The following SBNO1 variants were observed in gnomAD, a reference collection of about 807,000 sequenced individuals.
SBNO1 encodes protein strawberry notch homolog 1.
Under a neutral mutation model 173.6 loss-of-function variants are expected in SBNO1, and 23 were observed. The observed-to-expected ratio is 0.13, with a 90% confidence interval of 0.10 to 0.19. The LOEUF is 0.19. SBNO1 is among the 10% of genes least tolerant of loss of function. The pLI is 1.00. For synonymous variants in SBNO1, 632 were observed against 571.5 expected (o/e 1.11, Z -1.51); for missense variants, 1,238 against 1,671.2 (o/e 0.74, Z 4.52).
chr12:123,357,924 A>G (rs1293749486), intron 1 of SBNO1, among the ~76,000 whole-genome samples: 2 of 152,246 alleles, frequency 1.3e-5, no homozygotes, highest in African/African-American at 4.8e-5. Context: ...TTACAAAAGC[A>G]ATACACAAAT....
At chr12:123,345,605 T>C in intron 3 of SBNO1, 35 bp from the exon 4 acceptor site, 2 of 1,560,138 alleles carry the variant, frequency 1.3e-6, no homozygotes, top group South Asian at 1.1e-5. Context: ...CACTGAAAAA[T>C]GCTTCATTCT....
At chr12:123,340,948 A>G (rs1872492654) in intron 5 of SBNO1, 40 bp downstream of exon 5, 2 of 1,245,648 alleles carry the variant, frequency 1.6e-6, no homozygotes, top group Admixed American at 1.8e-5. Context: ...GTACACTCTC[A>G]TACTACACAA....
chr12:123,343,991 T>C (rs760387196), intron 4 of SBNO1, among the ~76,000 whole-genome samples: 2 of 152,198 alleles, frequency 1.3e-5, no homozygotes, highest in Non-Finnish European at 2.9e-5. Context: ...TCTTGTTCAG[T>C]CAGCTCCAAA....
chr12:123,337,301 C>T (rs896799131), intron 5 of SBNO1, among the ~76,000 whole-genome samples: 2 of 152,106 alleles, frequency 1.3e-5, no homozygotes, highest in African/African-American at 2.4e-5. Flanking sequence ...AAGGAAGATC[C>T]GGAATAAGCC....
In SBNO1 at chr12:123,290,594, G is replaced by A. The variant is rs2048496462; in HGVS notation, c.*5314C>T. 6.6e-6 allele frequency: 1 copy of A among 152,338 alleles called. No individual in the cohort carries two copies. Among genetic ancestry groups the A allele is most frequent in the Non-Finnish European group, 1.5e-5 (1 of 68,052 alleles). The allele number at this position is 152,338 out of a possible 1,614,324, so 9.4% of individuals were successfully genotyped here. A position where few individuals can be genotyped will look rare whatever the true frequency, so the allele number is the denominator to read the frequency against. ...ATCCACTCACCGATACAAGGGTGGA[G>A]AGCACAGCCGTTCAGGGTACCCCAG... On this transcript the variant is annotated 3_prime_UTR_variant, in exon 32 of 32. Coordinates refer to ENST00000602398, the MANE Select transcript of SBNO1 (RefSeq NM_001167856.3).
chr12:123,362,731 T>C (rs1875481069), intron 1 of SBNO1, among the ~76,000 whole-genome samples: 2 of 125,560 alleles, frequency 1.6e-5, no homozygotes, highest in Admixed American at 1.0e-4. Flanking sequence ...TTCATACCAC[T>C]ACACTCCAGC....
At chr12:123,336,913 T>G (rs1207034772) in intron 5 of SBNO1, among the ~76,000 whole-genome samples, 2 of 152,176 alleles carry the variant, frequency 1.3e-5, no homozygotes, top group African/African-American at 2.4e-5. Flanking sequence ...AAAGGTGGAT[T>G]GGCCCCAAAG....
intron 5 of SBNO1, 52 bp downstream of exon 5, chr12:123,340,936 G>T (rs1299722670): frequency 3.6e-6 from 4 of 1,123,208 alleles, no homozygotes; most frequent in Non-Finnish European, 4.0e-6. Context: ...ACTTTTAGTT[G>T]AGTACACTCT....
intron 1 of SBNO1, among the ~76,000 whole-genome samples, chr12:123,350,666 A>C (rs559079737): frequency 6.6e-6 from 1 of 152,352 alleles, no homozygotes; most frequent in East Asian, 1.9e-4. Context: ...TAGCACAAGT[A>C]TGCATCTACA....
intron 4 of SBNO1, among the ~76,000 whole-genome samples, chr12:123,341,892 T>A (rs1456474674): frequency 6.6e-6 from 1 of 152,010 alleles, no homozygotes; most frequent in Non-Finnish European, 1.5e-5. Context: ...TTTATGGAAG[T>A]AAAGAATTAA....
intron 1 of SBNO1, chr12:123,363,779 T>C: frequency 1.2e-6 from 1 of 838,460 alleles, no homozygotes; most frequent in Non-Finnish European, 1.4e-6. Context: ...AGAGCTTCTC[T>C]GTGCGAGGAT....
chr12:123,312,001 A>C (rs1338762827), intron 24 of SBNO1, among the ~76,000 whole-genome samples: 2 of 151,696 alleles, frequency 1.3e-5, no homozygotes, highest in Non-Finnish European at 2.9e-5. Context: ...TGGCCTCCCA[A>C]AGTGCTGAAA....
At chr12:123,343,073 C>A (rs1872741105) in intron 4 of SBNO1, among the ~76,000 whole-genome samples, 1 of 152,056 alleles carries the variant, frequency 6.6e-6, no homozygotes, top group Admixed American at 6.6e-5. Context: ...GAAACCCTGT[C>A]TCTACTAAAA....
intron 1 of SBNO1, chr12:123,363,764 T>G: frequency 1.4e-6 from 1 of 739,632 alleles, no homozygotes; most frequent in Non-Finnish European, 1.7e-6. Context: ...AGCACGCACA[T>G]AAAAAGAGCT....
At chr12:123,334,760 T>C (rs1871637888) in intron 6 of SBNO1, among the ~76,000 whole-genome samples, 1 of 141,824 alleles carries the variant, frequency 7.1e-6, no homozygotes. Flanking sequence ...AGAGATTTGC[T>C]GATAAAAAAA....
At position 123,298,141 on chromosome 12, in the gene SBNO1, C is replaced by A. The variant is rs778990864; in HGVS notation, c.3876G>T (p.Gly1292=). 1.2e-6 allele frequency: 2 copies of A among 1,612,780 alleles called. No individual in the cohort carries two copies. The highest frequency in any genetic ancestry group is 1.7e-5 in the Admixed American group (1 of 59,648). Residue 1292 remains glycine (G), a synonymous_variant, in exon 31 of 32, where the codon GGG becomes GGT. Coordinates refer to ENST00000602398, the MANE Select transcript of SBNO1 (RefSeq NM_001167856.3). ...WRGNCKKASL[G]LVCEIGLRCR... is the part of the protein sequence containing the mutation. ...AACGAAGACCTATTTCACAAACTAG[C>A]CCCAAGCTTGCTTTTTTGCAATTGC...
intron 6 of SBNO1, among the ~76,000 whole-genome samples, chr12:123,335,634 A>G (rs930350486): frequency 6.6e-6 from 1 of 152,190 alleles, no homozygotes; most frequent in African/African-American, 2.4e-5. Flanking sequence ...ACTACTTAAC[A>G]TTGCTGCTGT....
At chr12:123,298,415 T>C (rs1006048423) in intron 30 of SBNO1, among the ~76,000 whole-genome samples, 1 of 151,994 alleles carries the variant, frequency 6.6e-6, no homozygotes, top group African/African-American at 2.4e-5. Context: ...TTTTTTTTGT[T>C]GTTGTTGTTG....
Position 123,307,020 on chromosome 12 carries a change from TAAAAA to T in SBNO1, c.3630+2285_3630+2289del, listed in dbSNP as rs34105162. Among the ~76,000 whole-genome samples the T allele has an allele frequency of 3.9e-4, 25 of 64,432 alleles. No individual in the cohort carries two copies. In the East Asian group the frequency reaches 0.014, roughly 36 times the overall value. The allele number at this position is 64,432 out of a possible 152,430, so 42.3% of individuals were successfully genotyped here. ...CAACACAGTGAGACATCAACTGCAT[TAAAAA>T]AAAAAAAAAAAAAAAAAGCCAAATG... On this transcript the variant is annotated intron_variant, in intron 28 of 31. Transcript: ENST00000602398.
Sources: gnomAD v4.1 joint callset for allele counts (sites outside exome capture counted in the v4.1 genomes callset) on GRCh38, gnomAD v4.1.1 for gene constraint, MANE v1.5 for transcripts, NCBI Gene and HGNC (gene_info 2026-07-23, HGNC 2026-07-21) for gene names.